The following DNAH2 variants were observed in gnomAD, a reference collection of about 807,000 sequenced individuals.
DNAH2 encodes axonemal beta dynein heavy chain 2.
In DNAH2, 323 loss-of-function variants were observed where a neutral mutation model predicts 523.5. That is an observed-to-expected ratio of 0.62 (90% CI 0.56 to 0.68). DNAH2 has a LOEUF of 0.68. Ranked by LOEUF, DNAH2 falls within the 30% of genes least tolerant of loss-of-function variation. The probability of loss-of-function intolerance (pLI) is 0.00; values close to 1 mark genes in which losing one functional copy is unlikely to be tolerated. For missense variants in DNAH2, 4,907 were observed against 5,701.5 expected (o/e 0.86, Z 4.49); for synonymous variants, 2,093 against 2,177.4 (o/e 0.96, Z 1.08).
intron 12 of DNAH2, among the ~76,000 whole-genome samples, chr17:7,751,654 C>A (rs1253740682): frequency 6.6e-6 from 1 of 152,056 alleles, no homozygotes. Flanking sequence ...ATATTCGTGT[C>A]TATTTTGGGA....
At chr17:7,779,769 A>C (rs1012235087) in intron 36 of DNAH2, among the ~76,000 whole-genome samples, 2 of 152,040 alleles carry the variant, frequency 1.3e-5, no homozygotes, top group Non-Finnish European at 2.9e-5. Flanking sequence ...ACTGTTTCCT[A>C]GGAACAACTC....
intron 63 of DNAH2, among the ~76,000 whole-genome samples, chr17:7,813,269 G>T (rs930150596): frequency 3.3e-5 from 5 of 150,288 alleles, no homozygotes; most frequent in East Asian, 3.9e-4. Context: ...TTTTTTTGGT[G>T]GGGGGCATAG....
chr17:7,824,223 G>GC lies in DNAH2; in HGVS notation c.11584dup (p.Gln3862ProfsTer44). The GC allele has an allele frequency of 6.2e-7, 1 of 1,606,466 alleles. No homozygotes were observed. The highest frequency in any genetic ancestry group is 8.5e-7 in the Non-Finnish European group (1 of 1,177,628). ...GCAGCTGGCAGAGCACATGGGCATG[G>GC]CCCAGCGCTTCCACGCCCTGTCCCT... On this transcript the variant is annotated frameshift_variant, in exon 76 of 86. Coordinates refer to ENST00000572933, the MANE Select transcript of DNAH2 (RefSeq NM_020877.5). LOFTEE classifies it high-confidence loss of function.
chr17:7,744,395 A>T (rs1378790323), intron 12 of DNAH2, among the ~76,000 whole-genome samples: 1 of 151,670 alleles, frequency 6.6e-6, no homozygotes, highest in Non-Finnish European at 1.5e-5. Flanking sequence ...GACAGATGAG[A>T]CTGTGAGTGT....
At chr17:7,738,100 G>A in intron 8 of DNAH2, 1 of 703,540 alleles carries the variant, frequency 1.4e-6, no homozygotes, top group Non-Finnish European at 2.6e-6. Flanking sequence ...ACTACGTACA[G>A]GCTGTGCAGA....
intron 4 of DNAH2, among the ~76,000 whole-genome samples, chr17:7,731,567 G>C (rs1484632510): frequency 3.3e-5 from 5 of 152,022 alleles, no homozygotes. Context: ...TATAGCTATA[G>C]AAAAATATGT....
chr17:7,739,637 C>T, intron 8 of DNAH2, 96 bp from the exon 9 acceptor site: 1 of 1,060,012 alleles, frequency 9.4e-7, no homozygotes, highest in East Asian at 2.4e-5. Flanking sequence ...CCATCACTCA[C>T]AGTGATGTTT....
chr17:7,759,234 T>A, intron 15 of DNAH2, 110 bp downstream of exon 15: 1 of 1,500,448 alleles, frequency 6.7e-7, no homozygotes, highest in Non-Finnish European at 9.0e-7. Flanking sequence ...CAGTGTGTAC[T>A]TCTCAAACAT....
chr17:7,767,801 G>GGGAA, intron 22 of DNAH2, 99 bp from the exon 23 acceptor site: 1 of 1,509,448 alleles, frequency 6.6e-7, no homozygotes, highest in Non-Finnish European at 9.0e-7. Flanking sequence ...TTATCTAGAG[G>GGGAA]GGAAGCTTCA....
chr17:7,718,599 C>G lies in DNAH2; in HGVS notation c.-215C>G, dbSNP rs1429070137. ...CCTCGTGCCCCAATTGCTTTTTCCT[C>G]ATGACACAATTTGAAATTTATGATT... On this transcript the variant is annotated 5_prime_UTR_variant, in exon 1 of 86. Coordinates refer to ENST00000572933, the MANE Select transcript of DNAH2 (RefSeq NM_020877.5). 2.6e-5 allele frequency: 4 copies of G among 152,568 alleles called. No individual in the cohort carries two copies. The highest frequency in any genetic ancestry group is 9.6e-5 in the African/African-American group (4 of 41,462). 9.5% of individuals were successfully genotyped at this position (152,568 alleles called of 1,614,324 possible).
chr17:7,824,866 G>T, intron 77 of DNAH2, 139 bp downstream of exon 77: 1 of 693,704 alleles, frequency 1.4e-6, no homozygotes. Flanking sequence ...TCTCCTGTTT[G>T]TGCCAAACTC....
At chr17:7,736,011 A>C (rs562718602) in intron 7 of DNAH2, among the ~76,000 whole-genome samples, 8 of 151,718 alleles carry the variant, frequency 5.3e-5, no homozygotes, top group Admixed American at 1.3e-4. Flanking sequence ...CCTCGGCCTC[A>C]CAAAGTGCTG....
intron 48 of DNAH2, 38 bp from the exon 49 acceptor site, chr17:7,794,216 C>G: frequency 6.6e-7 from 1 of 1,524,960 alleles, no homozygotes; most frequent in Non-Finnish European, 8.9e-7. Context: ...TGCCCTCTCC[C>G]CTCCTGCCTG....
intron 44 of DNAH2, 146 bp from the exon 45 acceptor site, chr17:7,791,771 C>T: frequency 1.3e-6 from 1 of 759,308 alleles, no homozygotes; most frequent in South Asian, 2.0e-5. Flanking sequence ...AGATAAACAT[C>T]CACATTTGGA....
rs575354824 is a variant in DNAH2 at position 7,832,661 on chromosome 17, G to A, written c.12809G>A (p.Arg4270Gln). 2.0e-4 allele frequency: 330 copies of A among 1,614,130 alleles called. No homozygotes were observed. The highest frequency in any genetic ancestry group is 2.7e-4 in the Non-Finnish European group (316 of 1,180,038). The change falls in exon 83 of 86, where the codon CGG becomes CAG. Residue 4270 changes from arginine (R) to glutamine (Q), a missense_variant. Physicochemically the swap from Arg to Gln is conservative, Grantham distance 43. This residue lies in a region of DNAH2 where 1,851 missense variants were observed against 2,139.4 expected (regional missense o/e 0.87). Transcript: ENST00000572933. This position sits in a 1 kb window ranked among gnomAD's most constrained non-coding sequence, Gnocchi z 4.3. ...GAGCAGTTTGAGCTGTGGGCCAGCCGGGCCCGGCCTCCTGTGATCTTCTGG... is the reference window on the plus strand; with the variant it reads ...GAGCAGTTTGAGCTGTGGGCCAGCCAGGCCCGGCCTCCTGTGATCTTCTGG... ...RVEQFELWAS[R>Q]ARPPVIFWLS...
chr17:7,794,114 A>G (rs1486344279), intron 48 of DNAH2, 140 bp from the exon 49 acceptor site: 1 of 533,418 alleles, frequency 1.9e-6, no homozygotes, highest in Non-Finnish European at 3.2e-6. Flanking sequence ...GTTCCTCTCA[A>G]CTCGCTGCAT....
chr17:7,819,706 C>T (rs939491926), intron 72 of DNAH2, among the ~76,000 whole-genome samples: 16 of 152,160 alleles, frequency 1.1e-4, no homozygotes, highest in African/African-American at 3.9e-4. Flanking sequence ...GTGAAAGTAC[C>T]GGTTGGGATT....
chr17:7,815,440 C>T (rs1405563093), intron 63 of DNAH2, among the ~76,000 whole-genome samples: 2 of 152,188 alleles, frequency 1.3e-5, no homozygotes, highest in Non-Finnish European at 2.9e-5. Flanking sequence ...ATGAAAAGGA[C>T]GGTGATACAG....
Position 7,821,549 on chromosome 17 carries a change from T to C in DNAH2, c.11142+180T>C, listed in dbSNP as rs75758523. On this transcript the variant is annotated intron_variant, in intron 73 of 85. Coordinates refer to ENST00000572933, the MANE Select transcript of DNAH2 (RefSeq NM_020877.5). The surrounding 1 kb of genome is among the most constrained non-coding windows in gnomAD (Gnocchi z 5.0). ...CTGGGGCTGCGGAGGTGACTTGCCA[T>C]GCACCCCCTTGCACTCAGCGCAGGC... Among the ~76,000 whole-genome samples the C allele has an allele frequency of 0.023, 3,494 of 152,238 alleles. 43 individuals carry two copies. The highest frequency in any genetic ancestry group is 0.11 in the Middle Eastern group (33 of 294).
Sources: gnomAD v4.1 joint callset for allele counts (sites outside exome capture counted in the v4.1 genomes callset) on GRCh38, gnomAD v4.1.1 for gene constraint, gnomAD v4.1.1 regional missense constraint, Gnocchi (gnomAD v3.1) non-coding constraint, MANE v1.5 for transcripts, NCBI Gene and HGNC (gene_info 2026-07-23, HGNC 2026-07-21) for gene names.